The following TFDP1 variants were observed in gnomAD, a reference collection of about 807,000 sequenced individuals.
TFDP1 encodes DRTF1-polypeptide 1.
Under a neutral mutation model 48.0 loss-of-function variants are expected in TFDP1, and 6 were observed. The ratio of observed to expected loss-of-function variants is 0.13; its 90% confidence interval spans 0.07 to 0.25. The LOEUF (loss-of-function observed/expected upper bound fraction) is 0.25, where lower values mean the gene tolerates loss of function less well. Among genes scored for constraint, TFDP1 ranks in the 10% least tolerant of loss-of-function variants. TFDP1 has a pLI of 1.00. For missense variants in TFDP1, 335 were observed against 543.0 expected (o/e 0.62, Z 3.81); for synonymous variants, 201 against 211.6 (o/e 0.95, Z 0.44).
At chr13:113,616,746 G>A (rs1465197479) in intron 3 of TFDP1, among the ~76,000 whole-genome samples, 1 of 152,148 alleles carries the variant, frequency 6.6e-6, no homozygotes, top group Non-Finnish European at 1.5e-5. Context: ...TGAACTAACT[G>A]TGCCCCTTGC....
At chr13:113,599,012 A>G (rs116500888) in intron 2 of TFDP1, among the ~76,000 whole-genome samples, 188 of 152,322 alleles carry the variant, frequency 1.2e-3, no homozygotes, top group African/African-American at 4.2e-3. Context: ...ATCTGAAATG[A>G]CAGTCAACGG....
In TFDP1 at chr13:113,631,643, A is replaced by C; in HGVS notation, c.207A>C (p.Arg69Ser). The C allele has an allele frequency of 6.2e-7, 1 of 1,614,006 alleles. No homozygotes were observed. Among genetic ancestry groups the C allele is most frequent in the Non-Finnish European group, 8.5e-7 (1 of 1,179,962 alleles). ...AQQVVIGTPQ[R>S]PAASNTLVVG... ...TGTAGGTAATTGGTACGCCTCAGAG[A>C]CCGGCAGCGTCAAACACCCTGGTGG... Residue 69 changes from arginine (R) to serine (S), a missense_variant, in exon 5 of 12, where the codon AGA becomes AGC. Physicochemically the swap from Arg to Ser is moderately radical, Grantham distance 110. Transcript: ENST00000375370.
At chr13:113,600,371 C>G (rs1480792734) in intron 2 of TFDP1, among the ~76,000 whole-genome samples, 2 of 123,088 alleles carry the variant, frequency 1.6e-5, no homozygotes, top group African/African-American at 6.2e-5. Context: ...TCCAGGACCG[C>G]GATAGAGAAC....
At position 113,607,320 on chromosome 13, in the gene TFDP1, A is replaced by G. The variant is rs2048594967; in HGVS notation, c.13-3676A>G. 6.6e-6 allele frequency among the ~76,000 whole-genome samples: 1 copy of G among 152,232 alleles called. No homozygotes were observed. Among genetic ancestry groups the G allele is most frequent in the African/African-American group, 2.4e-5 (1 of 41,456 alleles). ...GCGGGTGCTTGCCAGGGATCTGGTG[A>G]CACCTGGGCATGTGGCTGGTGGAAC... On this transcript the variant is annotated intron_variant, in intron 2 of 11. Transcript: ENST00000375370. The surrounding 1 kb of genome is among the most constrained non-coding windows in gnomAD (Gnocchi z 5.2).
chr13:113,605,293 G>A (rs935213694), intron 2 of TFDP1, among the ~76,000 whole-genome samples: 3 of 152,220 alleles, frequency 2.0e-5, no homozygotes, highest in South Asian at 4.1e-4. Context: ...CTTTCCGTGC[G>A]GAACTAAGTT....
intron 4 of TFDP1, among the ~76,000 whole-genome samples, chr13:113,628,769 T>C (rs2049257642): frequency 6.6e-6 from 1 of 152,246 alleles, no homozygotes; most frequent in Admixed American, 6.5e-5. Flanking sequence ...ATCCACCCTT[T>C]GGCACCTCCT....
chr13:113,608,044 G>A (rs1029140622), intron 2 of TFDP1, among the ~76,000 whole-genome samples: 5 of 152,194 alleles, frequency 3.3e-5, no homozygotes, highest in African/African-American at 1.2e-4. Context: ...GGCAAGGCCC[G>A]TGGCTGAGTG....
chr13:113,608,135 T>A (rs925871312), intron 2 of TFDP1, among the ~76,000 whole-genome samples: 3 of 152,134 alleles, frequency 2.0e-5, no homozygotes, highest in Admixed American at 2.0e-4. Context: ...CCGCTCTTCC[T>A]GGGGGTCTTC....
At chr13:113,622,042 CCT>C (rs149442506) in intron 3 of TFDP1, among the ~76,000 whole-genome samples, 256 of 151,890 alleles carry the variant, frequency 1.7e-3, no homozygotes, top group Middle Eastern at 0.01. Flanking sequence ...CTCTTTGCCT[CCT>C]CTCTCTCTCT....
intron 2 of TFDP1, among the ~76,000 whole-genome samples, chr13:113,590,576 G>C (rs2048115328): frequency 6.6e-6 from 1 of 152,316 alleles, no homozygotes; most frequent in South Asian, 2.1e-4. Context: ...AAGGTTGTCA[G>C]TTTAGCCCCC....
At chr13:113,590,169 C>T (rs1341821430) in intron 2 of TFDP1, among the ~76,000 whole-genome samples, 2 of 152,188 alleles carry the variant, frequency 1.3e-5, no homozygotes, top group Admixed American at 6.5e-5. Context: ...GTGCAGAGAA[C>T]GTGGCTGTGG....
Position 113,630,776 on chromosome 13 carries a change from A to C in TFDP1, c.187-847A>C, listed in dbSNP as rs899870090. On this transcript the variant is annotated intron_variant, in intron 4 of 11. Transcript: ENST00000375370. ...ACTCGAACATTCATTGTTGGAACTA[A>C]AGTGGTAAGACCTTGTCAAGAGTCA... is the stretch of plus-strand genomic sequence containing the variant. Among the ~76,000 whole-genome samples, 47 of 151,496 alleles carry C rather than the reference A, an allele frequency of 3.1e-4. 1 individual carries two copies.
chr13:113,619,419 C>T (rs539053372), intron 3 of TFDP1, among the ~76,000 whole-genome samples: 3 of 148,578 alleles, frequency 2.0e-5, no homozygotes, highest in African/African-American at 5.0e-5. Flanking sequence ...TGCAGTGAGC[C>T]GAGATCATGT....
rs376532717 is a variant in TFDP1, at chr13:113,640,277, C to T, written c.*10C>T. 5.0e-6 allele frequency: 8 copies of T among 1,606,800 alleles called. No homozygotes were observed. In the African/African-American group the frequency reaches 1.1e-4, roughly 22 times the overall value. On this transcript the variant is annotated 3_prime_UTR_variant, in exon 12 of 12. Coordinates refer to ENST00000375370, the MANE Select transcript of TFDP1 (RefSeq NM_007111.5). ...TGACGAGGACGACTGACGTCCTCCC[C>T]ACTTCAGATTCGGCTTCAGGAAAAC...
At chr13:113,613,534 T>C (rs1394215757) in intron 3 of TFDP1, among the ~76,000 whole-genome samples, 2 of 148,718 alleles carry the variant, frequency 1.3e-5, no homozygotes, top group East Asian at 1.9e-4. Context: ...TGCATGAGTG[T>C]GTGTGAGGAA....
At chr13:113,632,915 A>G (rs906762678) in intron 5 of TFDP1, among the ~76,000 whole-genome samples, 2 of 152,156 alleles carry the variant, frequency 1.3e-5, no homozygotes, top group African/African-American at 4.8e-5. Context: ...CTGGGGAGAC[A>G]CTCGCTTTCT....
intron 2 of TFDP1, among the ~76,000 whole-genome samples, chr13:113,596,817 G>A (rs751605844): frequency 1.3e-5 from 2 of 152,194 alleles, no homozygotes; most frequent in Non-Finnish European, 2.9e-5. Flanking sequence ...GGTTCCAGTG[G>A]CATTTATCAC....
intron 2 of TFDP1, among the ~76,000 whole-genome samples, chr13:113,609,058 C>T (rs1045858559): frequency 6.6e-6 from 1 of 152,278 alleles, no homozygotes; most frequent in African/African-American, 2.4e-5. Context: ...GACCGCACGT[C>T]ATGCTTTTCC....
chr13:113,603,234 C>G (rs1283888975), intron 2 of TFDP1, among the ~76,000 whole-genome samples: 1 of 152,208 alleles, frequency 6.6e-6, no homozygotes, highest in Non-Finnish European at 1.5e-5. Flanking sequence ...CCTCATGGGC[C>G]TTCGAGTGTA....
Sources: gnomAD v4.1 joint callset for allele counts (sites outside exome capture counted in the v4.1 genomes callset) on GRCh38, gnomAD v4.1.1 for gene constraint, Gnocchi (gnomAD v3.1) non-coding constraint, MANE v1.5 for transcripts, NCBI Gene and HGNC (gene_info 2026-07-23, HGNC 2026-07-21) for gene names.